PCDH15: variants seen among roughly 807,000 people sequenced by gnomAD.
PCDH15 encodes protocadherin-15.
In PCDH15, 129 loss-of-function variants were observed where a neutral mutation model predicts 178.5. The observed-to-expected ratio is 0.72, with a 90% CI of 0.63 to 0.84. The LOEUF (loss-of-function observed/expected upper bound fraction) is 0.84, where lower values mean the gene tolerates loss of function less well. Ranked by LOEUF, PCDH15 falls within the 40% of genes least tolerant of loss-of-function variation. PCDH15 has a pLI of 0.00. For missense variants in PCDH15, 2,230 were observed against 2,099.9 expected, an observed-to-expected ratio of 1.06 and a Z score of -1.21; for synonymous variants, 800 against 732.0, an observed-to-expected ratio of 1.09 and a Z score of -1.50.
intron 2 of PCDH15, among the ~76,000 whole-genome samples, chr10:55,122,092 C>T (rs1837786945): frequency 6.6e-6 from 1 of 152,116 alleles, no homozygotes; most frequent in Admixed American, 6.6e-5. Flanking sequence ...TCTTTCCCTT[C>T]TTAATTTGTC....
At chr10:54,830,285 G>A (rs1018505622) in intron 3 of PCDH15, among the ~76,000 whole-genome samples, 5 of 152,016 alleles carry the variant, frequency 3.3e-5, no homozygotes, top group African/African-American at 1.2e-4. Context: ...ACATGCACAC[G>A]TATGTTTATT....
At chr10:54,247,673 C>G (rs1238990596) in intron 8 of PCDH15, among the ~76,000 whole-genome samples, 1 of 151,724 alleles carries the variant, frequency 6.6e-6, no homozygotes, top group Non-Finnish European at 1.5e-5. Flanking sequence ...ATGTCATAAA[C>G]ATTCCAATAG....
At chr10:55,379,120 A>G (rs965799487) in intron 2 of PCDH15, among the ~76,000 whole-genome samples, 3 of 151,804 alleles carry the variant, frequency 2.0e-5, no homozygotes, top group Non-Finnish European at 4.4e-5. Flanking sequence ...ATATATATAT[A>G]TATGTATGTA....
chr10:54,592,870 C>A (rs2133957067), intron 2 of PCDH15, among the ~76,000 whole-genome samples: 1 of 152,188 alleles, frequency 6.6e-6, no homozygotes, highest in South Asian at 2.1e-4. Context: ...TGATAATAGC[C>A]ATTCAAACAG....
At chr10:54,149,141 T>C (rs2044268473) in intron 14 of PCDH15, among the ~76,000 whole-genome samples, 1 of 152,086 alleles carries the variant, frequency 6.6e-6, no homozygotes. Context: ...CTCATCCTCT[T>C]ATTGTGGGAT....
intron 18 of PCDH15, among the ~76,000 whole-genome samples, chr10:54,061,236 A>G (rs2094006753): frequency 6.6e-6 from 1 of 152,178 alleles, no homozygotes; most frequent in Admixed American, 6.5e-5. Flanking sequence ...TCTAAAGATC[A>G]ATTATTTGCA....
intron 1 of PCDH15, among the ~76,000 whole-genome samples, chr10:55,314,895 T>C (rs1047067892): frequency 6.6e-6 from 1 of 152,192 alleles, no homozygotes; most frequent in African/African-American, 2.4e-5. Context: ...ATGTTGGATA[T>C]TGTTTCACAA....
intron 1 of PCDH15, among the ~76,000 whole-genome samples, chr10:54,677,163 G>A (rs984663963): frequency 1.3e-5 from 2 of 152,086 alleles, no homozygotes; most frequent in Non-Finnish European, 2.9e-5. Context: ...ATTGAGGTCA[G>A]GAGTTCAAAG....
intron 18 of PCDH15, among the ~76,000 whole-genome samples, chr10:54,053,916 G>T (rs771256600): frequency 1.3e-5 from 2 of 152,082 alleles, no homozygotes; most frequent in Admixed American, 6.6e-5. Context: ...CCTGATTATG[G>T]TTGTTATGAG....
At chr10:54,803,061 G>T (rs2133718153), upstream of PCDH15, among the ~76,000 whole-genome samples, 1 of 152,232 alleles carries the variant, frequency 6.6e-6, no homozygotes, top group South Asian at 2.1e-4. Context: ...TAACCAGTTT[G>T]AAAACACAGT....
At chr10:54,191,624 A>G (rs6481065) in intron 11 of PCDH15, among the ~76,000 whole-genome samples, 108,931 of 151,882 alleles carry the variant, frequency 0.72, 40,012 homozygotes, top group East Asian at 0.98. Flanking sequence ...AAGTATATCA[A>G]ATAGAAATGT....
At chr10:54,296,925 G>A (rs962336783) in intron 8 of PCDH15, among the ~76,000 whole-genome samples, 30 of 152,272 alleles carry the variant, frequency 2.0e-4, no homozygotes, top group African/African-American at 6.7e-4. Flanking sequence ...GAATGCTTAG[G>A]ACTCTAACAG....
At chr10:54,154,688 G>T (rs1329784774) in intron 13 of PCDH15, among the ~76,000 whole-genome samples, 1 of 152,118 alleles carries the variant, frequency 6.6e-6, no homozygotes, top group African/African-American at 2.4e-5. Context: ...TATATGTCAT[G>T]CTTAGAGTGA....
At chr10:54,706,084 A>G (rs972619049) in intron 1 of PCDH15, among the ~76,000 whole-genome samples, 2 of 152,242 alleles carry the variant, frequency 1.3e-5, no homozygotes, top group African/African-American at 4.8e-5. Context: ...CCAACTAAAT[A>G]TGAATGGTTG....
intron 2 of PCDH15, among the ~76,000 whole-genome samples, chr10:54,590,330 T>A (rs1162225612): frequency 6.6e-6 from 1 of 152,208 alleles, no homozygotes; most frequent in African/African-American, 2.4e-5. Flanking sequence ...AAACTTGGTC[T>A]GATTTTATCA....
intron 27 of PCDH15, among the ~76,000 whole-genome samples, chr10:53,858,418 T>C (rs1033747966): frequency 3.3e-5 from 5 of 152,048 alleles, no homozygotes; most frequent in African/African-American, 1.2e-4. Flanking sequence ...GAAGTGTAAG[T>C]AACAAATCCA....
At chr10:55,097,421 A>G (rs565608100) in intron 2 of PCDH15, among the ~76,000 whole-genome samples, 36 of 152,094 alleles carry the variant, frequency 2.4e-4, no homozygotes, top group Non-Finnish European at 4.9e-4. Flanking sequence ...GACATATTCA[A>G]TAACATTGAA....
At position 54,441,725 on chromosome 10, in the gene PCDH15, C is replaced by T. The variant is rs564591468; in HGVS notation, c.158-62783G>A. Among the ~76,000 whole-genome samples the T allele has an allele frequency of 1.2e-4, 18 of 151,876 alleles. No homozygotes were observed. In the South Asian group the frequency reaches 2.7e-3, roughly 23 times the overall value. ...AAGTTGAGAAATCTTGTCTTCTTAACGTGTATTTATTGACTTCCCAGGATA... is the reference window on the plus strand; with the variant it reads ...AAGTTGAGAAATCTTGTCTTCTTAATGTGTATTTATTGACTTCCCAGGATA... On this transcript the variant is annotated intron_variant, in intron 3 of 37. Transcript: ENST00000644397.
chr10:54,583,204 A>G (rs2091192813), intron 2 of PCDH15, among the ~76,000 whole-genome samples: 1 of 152,124 alleles, frequency 6.6e-6, no homozygotes, highest in Admixed American at 6.6e-5. Flanking sequence ...TATACCCTTG[A>G]ATTTATACCC....
Sources: allele counts gnomAD v4.1 joint callset (sites outside exome capture counted in the v4.1 genomes callset), GRCh38; gene constraint gnomAD v4.1.1; transcripts MANE v1.5; gene names NCBI Gene and HGNC (gene_info 2026-07-23, HGNC 2026-07-21).